Variants in RBPJL observed in about 807,000 individuals in gnomAD.
RBPJL encodes recombination signal binding protein for immunoglobulin kappa J region like, also known as recombining binding protein suppressor of hairless-like protein.
RBPJL carries 50 observed loss-of-function variants against 57.6 expected under a neutral mutation model. That is an observed-to-expected ratio of 0.87 (90% CI 0.69 to 1.10). The LOEUF is 1.10. Among genes scored for constraint, RBPJL ranks in the 50% least tolerant of loss-of-function variants. The pLI is 0.00. For missense variants in RBPJL, 684 were observed against 693.7 expected (o/e 0.99, Z 0.16); for synonymous variants, 303 against 294.4 (o/e 1.03, Z -0.30).
In RBPJL at chr20:45,312,310, C is replaced by T. The variant is rs1987221438; in HGVS notation, c.534C>T (p.Gly178=). ...RLVLRLVLRG[G]RELGTFHSRL... ...TGCTGCGGCTGGTGCTGCGCGGGGG[C>T]CGGGAGCTGGGTACCTTCCACAGCC... Residue 178 remains glycine, a synonymous_variant, in exon 6 of 12, where the codon GGC becomes GGT. Transcript: ENST00000343694. 16 of 1,613,944 alleles carry T rather than the reference C, an allele frequency of 9.9e-6. No individual in the cohort carries two copies. The highest frequency in any genetic ancestry group is 1.1e-5 in the Non-Finnish European group (13 of 1,179,944).
intron 1 of RBPJL, among the ~76,000 whole-genome samples, 185 bp downstream of exon 1, chr20:45,307,129 C>G (rs532629315): frequency 1.3e-5 from 2 of 152,178 alleles, no homozygotes; most frequent in Admixed American, 6.5e-5. Context: ...GGCCCCCTGG[C>G]GCCTAGAATT....
intron 4 of RBPJL, 73 bp downstream of exon 4, chr20:45,311,732 C>T: frequency 6.3e-7 from 1 of 1,576,044 alleles, no homozygotes; most frequent in East Asian, 2.3e-5. Context: ...CGAGACGGGG[C>T]GGTTCGCAGG....
rs1384005911 is a variant in RBPJL at position 45,312,079 on chromosome 20, G to A, written c.444+125G>A. ...GGGGAGACCGGGAGGCCGGGGTCCT[G>A]CCTTAAGGCCGAGCCTGAGAGCCTG... On this transcript the variant is annotated intron_variant, in intron 5 of 11. Transcript: ENST00000343694. 1.8e-5 allele frequency: 27 copies of A among 1,470,876 alleles called. No individual in the cohort carries two copies. In the South Asian group the frequency reaches 2.4e-4, roughly 13 times the overall value. The allele number at this position is 1,470,876 out of a possible 1,614,324, so 91.1% of individuals were successfully genotyped here.
intron 1 of RBPJL, among the ~76,000 whole-genome samples, chr20:45,307,552 C>A (rs1245280994): frequency 6.6e-6 from 1 of 152,212 alleles, no homozygotes; most frequent in Non-Finnish European, 1.5e-5. Context: ...CCTCTGCCAC[C>A]TCCCATACTT....
At chr20:45,314,667 A>G in intron 9 of RBPJL, 102 bp downstream of exon 9, 1 of 1,119,664 alleles carries the variant, frequency 8.9e-7, no homozygotes, top group Non-Finnish European at 1.3e-6. Context: ...CTACTTCCTG[A>G]GCAGCCTCCC....
chr20:45,315,761 A>C (rs1421736049), intron 9 of RBPJL, among the ~76,000 whole-genome samples: 2 of 150,400 alleles, frequency 1.3e-5, no homozygotes, highest in African/African-American at 4.9e-5. Context: ...AAAGGAAGAA[A>C]GGAAGGAAGG....
chr20:45,313,669 C>A, intron 7 of RBPJL, 64 bp downstream of exon 7: 1 of 1,454,874 alleles, frequency 6.9e-7, no homozygotes. Flanking sequence ...TAACCTCCAC[C>A]ACAACTCCTT....
At chr20:45,316,113 C>T (rs1277432065) in intron 9 of RBPJL, 74 bp from the exon 10 acceptor site, 2 of 1,481,350 alleles carry the variant, frequency 1.4e-6, no homozygotes, top group Non-Finnish European at 9.3e-7. Flanking sequence ...CAGAAGCCCA[C>T]GCGCCATGCT....
At chr20:45,311,215 C>T (rs1426966965) in intron 3 of RBPJL, among the ~76,000 whole-genome samples, 2 of 151,538 alleles carry the variant, frequency 1.3e-5, no homozygotes, top group Non-Finnish European at 2.9e-5. Flanking sequence ...GGAAGGAGCA[C>T]TCTGGCTGCT....
chr20:45,306,971 G>A (rs754474881), intron 1 of RBPJL, 27 bp downstream of exon 1: 58 of 1,246,758 alleles, frequency 4.7e-5, no homozygotes, highest in South Asian at 2.4e-4. Context: ...CCGAGGCCCC[G>A]GAGACGCCCC....
intron 9 of RBPJL, chr20:45,315,962 A>G: frequency 2.5e-6 from 1 of 397,300 alleles, no homozygotes; most frequent in Non-Finnish European, 4.4e-6. Flanking sequence ...TAAAGAAAAA[A>G]GAAAGAAGAA....
chr20:45,312,017 G>T, intron 5 of RBPJL, 63 bp downstream of exon 5: 1 of 1,456,338 alleles, frequency 6.9e-7, no homozygotes, highest in Non-Finnish European at 9.5e-7. Flanking sequence ...GGGAAAGGAG[G>T]GCTCCTTTAC....
rs141335503 is a variant in RBPJL at position 45,313,523 on chromosome 20, G to C, written c.675G>C (p.Thr225=). 1.9e-6 allele frequency: 3 copies of C among 1,613,842 alleles called. No homozygotes were observed. In the South Asian group the frequency reaches 3.3e-5, roughly 18 times the overall value. The change falls in exon 7 of 12, where the codon ACG becomes ACC. Residue 225 remains threonine, a synonymous_variant. Coordinates refer to ENST00000343694, the MANE Select transcript of RBPJL (RefSeq NM_014276.4). ...TCTTCAACCGCCTGCGCTCTCAGAC[G>C]GTCTCCACACGCTACCTCTCTGTGG... ...VSLFNRLRSQ[T]VSTRYLSVED... is the part of the protein sequence containing the mutation.
At chr20:45,313,198 C>T (rs770826750) in intron 6 of RBPJL, among the ~76,000 whole-genome samples, 1 of 152,090 alleles carries the variant, frequency 6.6e-6, no homozygotes, top group Non-Finnish European at 1.5e-5. Context: ...AGATTGGAAA[C>T]TGTCTGGAAA....
chr20:45,312,030 C>G (rs527993473), intron 5 of RBPJL, 76 bp downstream of exon 5: 1 of 1,447,240 alleles, frequency 6.9e-7, no homozygotes. Flanking sequence ...TCCTTTACTC[C>G]CCTCCGAAAG....
chr20:45,314,242 G>A lies in RBPJL; in HGVS notation c.867+98G>A, dbSNP rs115172965. On this transcript the variant is annotated intron_variant, in intron 8 of 11. Coordinates refer to ENST00000343694, the MANE Select transcript of RBPJL (RefSeq NM_014276.4). ...GCTGGAGAGTGAGGCCCCAAGGCAT[G>A]GAGACACCTGTTCTCACCCAGTGTC... 148 of 1,264,680 alleles carry A rather than the reference G, an allele frequency of 1.2e-4. No homozygotes were observed. The African/African-American group carries it at 2.1e-3, about 18-fold the overall frequency. 78.3% of individuals were successfully genotyped at this position (1,264,680 alleles called of 1,614,324 possible). A position where few individuals can be genotyped will look rare whatever the true frequency, so the allele number is the denominator to read the frequency against.
Position 45,317,014 on chromosome 20 carries a change from C to T in RBPJL, c.*55C>T. ...TGGAGGGCTGCGCCCGCGCCAGGCGCGGGGACGTGTTTCTGGGTTCTAGGC... is the reference window on the plus strand; with the variant it reads ...TGGAGGGCTGCGCCCGCGCCAGGCGTGGGGACGTGTTTCTGGGTTCTAGGC... On this transcript the variant is annotated 3_prime_UTR_variant, in exon 12 of 12. Transcript: ENST00000343694. The T allele has an allele frequency of 1.3e-6, 2 of 1,555,040 alleles. No individual in the cohort carries two copies.
chr20:45,313,385 A>G, intron 6 of RBPJL, 83 bp from the exon 7 acceptor site: 1 of 1,203,848 alleles, frequency 8.3e-7, no homozygotes, highest in Non-Finnish European at 1.1e-6. Context: ...CCTAACCCTA[A>G]CCCCAATCCT....
At chr20:45,316,376 GACCCTGCCTGC>G (rs1383184575) in intron 10 of RBPJL, 34 bp downstream of exon 10, 1 of 1,610,028 alleles carries the variant, frequency 6.2e-7, no homozygotes, top group African/African-American at 1.3e-5. Flanking sequence ...TGGGCAGGGG[GACCCTGCCTGC>G]ACTGGGCAGT....
Sources: gnomAD v4.1 joint callset for allele counts (sites outside exome capture counted in the v4.1 genomes callset) on GRCh38, gnomAD v4.1.1 for gene constraint, MANE v1.5 for transcripts, NCBI Gene and HGNC (gene_info 2026-07-23, HGNC 2026-07-21) for gene names.